The following GREB1L variants were observed in gnomAD, a reference collection of about 807,000 sequenced individuals.
GREB1L encodes the protein GREB1-like protein.
Under a neutral mutation model 200.8 loss-of-function variants are expected in GREB1L, and 17 were observed. The observed-to-expected ratio is 0.08, with a 90% CI of 0.06 to 0.13. The LOEUF is 0.13. Among genes scored for constraint, GREB1L ranks in the 10% least tolerant of loss-of-function variants. GREB1L has a pLI of 1.00. For missense variants in GREB1L, 1,657 were observed against 2,367.7 expected, an observed-to-expected ratio of 0.70 and a Z score of 6.23; for synonymous variants, 789 against 893.0, an observed-to-expected ratio of 0.88 and a Z score of 2.08.
intron 15 of GREB1L, among the ~76,000 whole-genome samples, chr18:21,459,040 G>A (rs1374850098): frequency 6.6e-6 from 1 of 152,006 alleles, no homozygotes; most frequent in Non-Finnish European, 1.5e-5. Context: ...TAGCAAATGG[G>A]AGCGGATCTG....
Position 21,485,669 on chromosome 18 carries a change from G to C in GREB1L, c.2606G>C (p.Ser869Thr). 6.4e-7 allele frequency: 1 copy of C among 1,551,600 alleles called. No homozygotes were observed. Among genetic ancestry groups the C allele is most frequent in the Non-Finnish European group, 8.7e-7 (1 of 1,146,900 alleles). ...EKLYFGLSEY[S>T]KSLQWGITSP... ...CTGTACTTTGGCTTGAGTGAGTACA[G>C]CAAGTCTCTGCAGTGGGGGATCACG... Residue 869 changes from serine to threonine, a missense_variant, in exon 18 of 33, where the codon AGC becomes ACC. Physicochemically the swap from Ser to Thr is moderately conservative, Grantham distance 58 (BLOSUM62 1). Coordinates refer to ENST00000424526, the MANE Select transcript of GREB1L (RefSeq NM_001142966.3).
intron 1 of GREB1L, among the ~76,000 whole-genome samples, chr18:21,303,543 C>T (rs1350485985): frequency 6.6e-6 from 1 of 152,218 alleles, no homozygotes; most frequent in Non-Finnish European, 1.5e-5. Context: ...TTTCACTCTT[C>T]ACTTACTGAT....
At chr18:21,252,095 G>C (rs1346312780) in intron 1 of GREB1L, among the ~76,000 whole-genome samples, 1 of 152,102 alleles carries the variant, frequency 6.6e-6, no homozygotes, top group Non-Finnish European at 1.5e-5. Flanking sequence ...TGGTCAATAA[G>C]TATGAAAAAT....
chr18:21,295,233 T>C (rs2038508319), intron 1 of GREB1L, among the ~76,000 whole-genome samples: 1 of 152,220 alleles, frequency 6.6e-6, no homozygotes, highest in East Asian at 1.9e-4. Flanking sequence ...CAAATTTGAA[T>C]GGGCTCCTGT....
intron 21 of GREB1L, among the ~76,000 whole-genome samples, chr18:21,497,818 C>CT (rs1358975448): frequency 7.9e-6 from 1 of 127,090 alleles, no homozygotes; most frequent in Admixed American, 7.8e-5. Flanking sequence ...ACCACCCCCC[C>CT]CCCTTTTTTT....
At chr18:21,261,043 A>G (rs563777856) in intron 1 of GREB1L, among the ~76,000 whole-genome samples, 1 of 152,034 alleles carries the variant, frequency 6.6e-6, no homozygotes, top group Non-Finnish European at 1.5e-5. Context: ...TGTTTTATAG[A>G]GAAATCAGGC....
chr18:21,383,286 A>G (rs1234804517), intron 2 of GREB1L, among the ~76,000 whole-genome samples: 3 of 152,278 alleles, frequency 2.0e-5, no homozygotes, highest in Middle Eastern at 3.4e-3. Flanking sequence ...AAATCCCTCA[A>G]AGGGGCTTTT....
chr18:21,451,680 G>T (rs1180336760), intron 13 of GREB1L, among the ~76,000 whole-genome samples: 1 of 151,504 alleles, frequency 6.6e-6, no homozygotes, highest in Non-Finnish European at 1.5e-5. Context: ...TTTTTGTAGA[G>T]ACTGGGTCTC....
At chr18:21,350,324 G>A (rs1339939861) in intron 1 of GREB1L, among the ~76,000 whole-genome samples, 12 of 146,996 alleles carry the variant, frequency 8.2e-5, no homozygotes, top group Non-Finnish European at 1.0e-4. Flanking sequence ...TGCAACCTCC[G>A]CCTCCTGGGT....
In GREB1L at chr18:21,499,943, A is replaced by C. The variant is rs761692514; in HGVS notation, c.3606A>C (p.Ser1202=). The change falls in exon 22 of 33, where the codon TCA becomes TCC. Residue 1202 remains serine, a synonymous_variant. Transcript: ENST00000424526. ...QMASSTTSKP[S]SSSSGPRTLP... ...CGAGCAGCACCACCTCCAAGCCGTC[A>C]TCATCATCCTCAGGACCCAGGACCC... 3 of 1,550,536 alleles carry C rather than the reference A, an allele frequency of 1.9e-6. No individual in the cohort carries two copies. Among genetic ancestry groups the C allele is most frequent in the Non-Finnish European group, 2.6e-6 (3 of 1,146,390 alleles).
At chr18:21,322,483 A>G (rs2038965281) in intron 1 of GREB1L, among the ~76,000 whole-genome samples, 3 of 152,168 alleles carry the variant, frequency 2.0e-5, no homozygotes, top group African/African-American at 7.2e-5. Flanking sequence ...AAGCTCCTAA[A>G]TGGTAGAATA....
intron 1 of GREB1L, among the ~76,000 whole-genome samples, chr18:21,284,763 C>T (rs2038326632): frequency 6.6e-6 from 1 of 152,158 alleles, no homozygotes; most frequent in Non-Finnish European, 1.5e-5. Context: ...AACTGTTTTT[C>T]AAAGTGGCTG....
In GREB1L at chr18:21,311,911, C is replaced by T. The variant is rs529985437; in HGVS notation, c.-119-54116C>T. Among the ~76,000 whole-genome samples, 44 of 151,920 alleles carry T rather than the reference C, an allele frequency of 2.9e-4. No homozygotes were observed. In the South Asian group the frequency reaches 5.8e-3, roughly 20 times the overall value. On this transcript the variant is annotated intron_variant, in intron 1 of 32. Coordinates refer to ENST00000424526, the MANE Select transcript of GREB1L (RefSeq NM_001142966.3). Reference sequence around the variant, plus strand: ...ACTCATGTCACGGGGGTTTGTTGTACGGATTATTTCATCGCCCAGGTACTA... The same window carrying T: ...ACTCATGTCACGGGGGTTTGTTGTATGGATTATTTCATCGCCCAGGTACTA...
rs181245713 is a variant in GREB1L, at chr18:21,278,151, G to A, written c.-120+35758G>A. Among the ~76,000 whole-genome samples the A allele has an allele frequency of 3.4e-3, 513 of 152,136 alleles. 2 individuals carry two copies. Among genetic ancestry groups the A allele is most frequent in the African/African-American group, 0.012 (495 of 41,520 alleles). On this transcript the variant is annotated intron_variant, in intron 1 of 32. Coordinates refer to ENST00000424526, the MANE Select transcript of GREB1L (RefSeq NM_001142966.3). Reference sequence around the variant, plus strand: ...TCCCAGCACTTTGGGAGGCCGAGGCGGGTGGATCACCTGAAGTCAGGAGTT... The same window carrying A: ...TCCCAGCACTTTGGGAGGCCGAGGCAGGTGGATCACCTGAAGTCAGGAGTT...
intron 20 of GREB1L, among the ~76,000 whole-genome samples, chr18:21,496,241 A>G (rs1297629339): frequency 6.6e-6 from 1 of 152,196 alleles, no homozygotes. Context: ...GCCCGACACT[A>G]TCCACTCTTT....
chr18:21,439,067 G>T (rs1351365634), intron 7 of GREB1L, among the ~76,000 whole-genome samples: 1 of 152,046 alleles, frequency 6.6e-6, no homozygotes, highest in Non-Finnish European at 1.5e-5. Context: ...TTCACAGCAT[G>T]CATGTGTGTA....
In GREB1L at chr18:21,482,375, A is replaced by C. The variant is rs373547283; in HGVS notation, c.2557-3245A>C. ...CGGGTTCAAGCGATTCGTCTGCATC[A>C]GCCTCCTGAGTAGCTGGGATTACAG... On this transcript the variant is annotated intron_variant, in intron 17 of 32. Coordinates refer to ENST00000424526, the MANE Select transcript of GREB1L (RefSeq NM_001142966.3). Among the ~76,000 whole-genome samples, 69 of 152,374 alleles carry C rather than the reference A, an allele frequency of 4.5e-4. 1 individual carries two copies. The East Asian group carries it at 0.01, about 23-fold the overall frequency.
chr18:21,271,534 C>T (rs2038077953), intron 1 of GREB1L, among the ~76,000 whole-genome samples: 1 of 151,434 alleles, frequency 6.6e-6, no homozygotes, highest in African/African-American at 2.4e-5. Flanking sequence ...CACCTGTAGT[C>T]CCAGGTACTT....
intron 7 of GREB1L, among the ~76,000 whole-genome samples, 185 bp downstream of exon 7, chr18:21,404,179 G>A (rs2041431484): frequency 6.6e-6 from 1 of 152,220 alleles, no homozygotes; most frequent in African/African-American, 2.4e-5. Flanking sequence ...CAGAATCCAA[G>A]TCCTCACAGT....
Sources: allele counts gnomAD v4.1 joint callset (sites outside exome capture counted in the v4.1 genomes callset), GRCh38; gene constraint gnomAD v4.1.1; transcripts MANE v1.5; gene names NCBI Gene and HGNC (gene_info 2026-07-23, HGNC 2026-07-21).